The following ADAMTS17 variants were observed in gnomAD, a reference collection of about 807,000 sequenced individuals.
ADAMTS17 encodes A disintegrin and metalloproteinase with thrombospondin motifs 17.
Under a neutral mutation model 141.5 loss-of-function variants are expected in ADAMTS17, and 113 were observed. The observed-to-expected ratio is 0.80, with a 90% CI of 0.69 to 0.93. The LOEUF is 0.93. Among genes scored for constraint, ADAMTS17 ranks in the 40% least tolerant of loss-of-function variants. ADAMTS17 has a pLI of 0.00. For missense variants in ADAMTS17, 1,659 were observed against 1,517.9 expected (o/e 1.09, Z -1.54); for synonymous variants, 768 against 630.6 (o/e 1.22, Z -3.27).
chr15:100,171,515 G>A (rs763446240), intron 8 of ADAMTS17, among the ~76,000 whole-genome samples: 23 of 152,142 alleles, frequency 1.5e-4, no homozygotes, highest in Admixed American at 2.6e-4. Context: ...CAACATCCCT[G>A]TACCCCAGTG....
intron 10 of ADAMTS17, among the ~76,000 whole-genome samples, chr15:100,152,354 T>G (rs972221732): frequency 3.9e-5 from 6 of 152,128 alleles, no homozygotes; most frequent in Admixed American, 3.3e-4. Context: ...TGTGTGTAGA[T>G]GTGTGCCTGC....
intron 15 of ADAMTS17, among the ~76,000 whole-genome samples, chr15:100,078,896 G>C (rs552263242): frequency 1.3e-5 from 2 of 152,250 alleles, no homozygotes; most frequent in Admixed American, 6.5e-5. Flanking sequence ...ATTTAAAAAT[G>C]GGCAAAGGAT....
In ADAMTS17 at chr15:100,117,005, G is replaced by C; in HGVS notation, c.1730C>G (p.Pro577Arg). ...QRKCDNPPPG[P>R]GGTHCPGASV... ...GGCACCCGGGCAGTGTGTGCCTCCA[G>C]GCCCAGGGCTAGAAGGAAGAAGAAG... The change falls in exon 13 of 22, where the codon CCT (proline) becomes CGT (arginine). Residue 577 changes from proline (P) to arginine (R), a missense_variant. Transcript: ENST00000268070. The C allele has an allele frequency of 1.2e-6, 2 of 1,611,220 alleles. No homozygotes were observed. Among genetic ancestry groups the C allele is most frequent in the South Asian group, 2.2e-5 (2 of 90,668 alleles).
At chr15:100,237,625 T>C (rs1267590702) in intron 7 of ADAMTS17, among the ~76,000 whole-genome samples, 2 of 152,044 alleles carry the variant, frequency 1.3e-5, no homozygotes, top group Non-Finnish European at 2.9e-5. Flanking sequence ...CTGAGGTTTT[T>C]TGTTTTTGTT....
At position 100,167,226 on chromosome 15, in the gene ADAMTS17, C is replaced by T. The variant is rs537683120; in HGVS notation, c.1182-11906G>A. ...TGGATATCACCTCATTGGATATCAT[C>T]ATAGCATATCTTTGCCCACAAATTA... On this transcript the variant is annotated intron_variant, in intron 8 of 21. Coordinates refer to ENST00000268070, the MANE Select transcript of ADAMTS17 (RefSeq NM_139057.4). Among the ~76,000 whole-genome samples, 3 of 152,282 alleles carry T rather than the reference C, an allele frequency of 2.0e-5. No individual in the cohort carries two copies. In the East Asian group the frequency reaches 5.8e-4, roughly 29 times the overall value.
At chr15:100,199,979 C>T (rs8040751) in intron 7 of ADAMTS17, among the ~76,000 whole-genome samples, 5,878 of 152,296 alleles carry the variant, frequency 0.039, 379 homozygotes, top group African/African-American at 0.13. Context: ...GTGGACAGCA[C>T]GCCCCGGAAG....
chr15:100,062,043 C>T (rs1339006648), intron 15 of ADAMTS17, among the ~76,000 whole-genome samples: 1 of 152,196 alleles, frequency 6.6e-6, no homozygotes, highest in Non-Finnish European at 1.5e-5. Flanking sequence ...GAGGCTGTCA[C>T]TTTGAAGCTG....
chr15:100,003,431 G>A (rs1011427386), intron 18 of ADAMTS17, among the ~76,000 whole-genome samples: 5 of 152,096 alleles, frequency 3.3e-5, no homozygotes, highest in African/African-American at 1.2e-4. Context: ...TGTCTGAGCT[G>A]AGTCTCAGTC....
At chr15:100,087,407 G>A (rs1238469923) in intron 15 of ADAMTS17, among the ~76,000 whole-genome samples, 4 of 152,076 alleles carry the variant, frequency 2.6e-5, no homozygotes, top group African/African-American at 9.7e-5. Context: ...TCTACCAGAG[G>A]TACAAGGAGG....
intron 15 of ADAMTS17, among the ~76,000 whole-genome samples, chr15:100,083,972 C>G (rs1189951492): frequency 7.2e-5 from 11 of 151,980 alleles, no homozygotes; most frequent in African/African-American, 1.7e-4. Flanking sequence ...GTTCATCTCA[C>G]TGGGGAGTGC....
chr15:100,336,481 C>A (rs138057472), intron 2 of ADAMTS17, among the ~76,000 whole-genome samples: 193 of 152,324 alleles, frequency 1.3e-3, no homozygotes, highest in Middle Eastern at 3.4e-3. Context: ...CCCTTAACAT[C>A]CACTCAATTG....
chr15:100,139,349 T>C (rs74992172), intron 10 of ADAMTS17, among the ~76,000 whole-genome samples: 2,735 of 152,266 alleles, frequency 0.018, 80 homozygotes, highest in African/African-American at 0.063. Flanking sequence ...ACTAAAAGTG[T>C]ATGTAGACTC....
intron 3 of ADAMTS17, among the ~76,000 whole-genome samples, chr15:100,291,836 C>T (rs1157875438): frequency 1.3e-5 from 2 of 152,172 alleles, no homozygotes; most frequent in Admixed American, 6.5e-5. Context: ...GGGTACTATG[C>T]TTATTTACCT....
chr15:99,974,158 T>G lies in ADAMTS17; in HGVS notation c.*244A>C. On this transcript the variant is annotated 3_prime_UTR_variant, in exon 22 of 22. Transcript: ENST00000268070. ...CTTCCCTTCGAGGTACCTGAAATCC[T>G]AGAAATTGAAGTTACTTTGTGACTC... 1.8e-6 allele frequency: 1 copy of G among 565,138 alleles called. No homozygotes were observed. Among genetic ancestry groups the G allele is most frequent in the South Asian group, 2.0e-5 (1 of 49,626 alleles). The allele number at this position is 565,138 out of a possible 1,614,324, so 35.0% of individuals were successfully genotyped here. A position where few individuals can be genotyped will look rare whatever the true frequency, so the allele number is the denominator to read the frequency against.
intron 15 of ADAMTS17, among the ~76,000 whole-genome samples, chr15:100,095,387 C>T (rs2035695798): frequency 6.6e-6 from 1 of 152,132 alleles, no homozygotes; most frequent in Non-Finnish European, 1.5e-5. Context: ...TCTTCCAGAC[C>T]AGGTTTCCTA....
At chr15:100,129,308 T>G (rs537250581) in intron 12 of ADAMTS17, 1 of 152,402 alleles carries the variant, frequency 6.6e-6, no homozygotes, top group East Asian at 1.9e-4. Flanking sequence ...GAAGGGCAAC[T>G]GGTACCATCC....
intron 15 of ADAMTS17, among the ~76,000 whole-genome samples, chr15:100,095,464 G>C (rs1451105547): frequency 6.6e-6 from 1 of 152,140 alleles, no homozygotes; most frequent in Non-Finnish European, 1.5e-5. Context: ...GAGACAGGGA[G>C]GCATAAATGT....
chr15:100,278,751 C>T (rs1305351814), intron 4 of ADAMTS17, among the ~76,000 whole-genome samples: 1 of 152,184 alleles, frequency 6.6e-6, no homozygotes, highest in East Asian at 1.9e-4. Flanking sequence ...GCAGGATTGC[C>T]GTGGGGTTCC....
chr15:100,152,861 G>C lies in ADAMTS17; in HGVS notation c.1323-99C>G, dbSNP rs2039244431. On this transcript the variant is annotated intron_variant, in intron 9 of 21. Coordinates refer to ENST00000268070, the MANE Select transcript of ADAMTS17 (RefSeq NM_139057.4). ...TTTGAGTTTTCAGTCACTGAGAAGA[G>C]GGCACCTCCACGTTCCTTATGGAAA... The C allele has an allele frequency of 6.8e-6, 10 of 1,468,426 alleles. No homozygotes were observed. The South Asian group carries it at 1.2e-4, about 18-fold the overall frequency. The allele number at this position is 1,468,426 out of a possible 1,614,324, so 91.0% of individuals were successfully genotyped here.
Sources: gnomAD v4.1 joint callset for allele counts (sites outside exome capture counted in the v4.1 genomes callset) on GRCh38, gnomAD v4.1.1 for gene constraint, MANE v1.5 for transcripts, NCBI Gene and HGNC (gene_info 2026-07-23, HGNC 2026-07-21) for gene names.